NRXN3: variants seen among roughly 807,000 people sequenced by gnomAD.
NRXN3 encodes the protein neurexin III.
Under a neutral mutation model 137.6 loss-of-function variants are expected in NRXN3, and 32 were observed. The ratio of observed to expected loss-of-function variants is 0.23; its 90% CI spans 0.18 to 0.31. The LOEUF is 0.31. Among genes scored for constraint, NRXN3 ranks in the 10% least tolerant of loss-of-function variants. The pLI, the probability that NRXN3 is intolerant of heterozygous loss-of-function variation, is 1.00. For missense variants in NRXN3, 1,574 were observed against 2,062.5 expected, an observed-to-expected ratio of 0.76 and a Z score of 4.59; for synonymous variants, 798 against 784.5, an observed-to-expected ratio of 1.02 and a Z score of -0.29.
At chr14:78,694,173 T>C (rs1253315809) in intron 6 of NRXN3, among the ~76,000 whole-genome samples, 1 of 151,994 alleles carries the variant, frequency 6.6e-6, no homozygotes, top group Non-Finnish European at 1.5e-5. Context: ...GAAACCTTTA[T>C]CATGCAAATT....
chr14:78,836,821 A>G (rs1202558487), intron 10 of NRXN3, among the ~76,000 whole-genome samples: 2 of 152,172 alleles, frequency 1.3e-5, no homozygotes, highest in African/African-American at 4.8e-5. Flanking sequence ...ATACCTGAGG[A>G]GATAATAGAC....
chr14:79,602,714 A>AT (rs2097940989), intron 16 of NRXN3, among the ~76,000 whole-genome samples: 1 of 152,052 alleles, frequency 6.6e-6, no homozygotes, highest in Non-Finnish European at 1.5e-5. Context: ...GAACTAGAAG[A>AT]TATTTGAAAA....
At chr14:79,146,555 A>T (rs1217942630) in intron 15 of NRXN3, among the ~76,000 whole-genome samples, 2 of 152,062 alleles carry the variant, frequency 1.3e-5, no homozygotes, top group Non-Finnish European at 2.9e-5. Context: ...GTGGACTTGA[A>T]AAAAAGAGTG....
intron 15 of NRXN3, among the ~76,000 whole-genome samples, chr14:79,122,026 A>G (rs1007246293): frequency 6.6e-6 from 1 of 152,204 alleles, no homozygotes; most frequent in Non-Finnish European, 1.5e-5. Flanking sequence ...ATCTTCTCAG[A>G]GGATGATCAT....
intron 15 of NRXN3, among the ~76,000 whole-genome samples, chr14:79,422,494 T>G (rs2095592856): frequency 6.6e-6 from 1 of 152,130 alleles, no homozygotes; most frequent in Admixed American, 6.5e-5. Context: ...CCCTCAGCAG[T>G]TAGAAGGCCA....
intron 8 of NRXN3, chr14:78,744,846 T>C (rs1015520701): frequency 1.3e-5 from 2 of 152,226 alleles, no homozygotes; most frequent in East Asian, 3.9e-4. Flanking sequence ...CTGGGGCATG[T>C]AGGGGCAAGT....
chr14:78,644,484 G>A (rs1024839300), intron 4 of NRXN3, among the ~76,000 whole-genome samples: 4 of 152,130 alleles, frequency 2.6e-5, no homozygotes, highest in Non-Finnish European at 5.9e-5. Flanking sequence ...CAGTGGTATT[G>A]CTGTCTTATC....
At chr14:79,192,825 C>A (rs2064586931) in intron 15 of NRXN3, among the ~76,000 whole-genome samples, 1 of 132,592 alleles carries the variant, frequency 7.5e-6, no homozygotes, top group Admixed American at 9.2e-5. Context: ...AGCTGGAGTG[C>A]AGTGGCATGA....
intron 4 of NRXN3, among the ~76,000 whole-genome samples, chr14:78,562,483 C>T (rs1012643618): frequency 1.3e-5 from 2 of 148,384 alleles, no homozygotes; most frequent in Non-Finnish European, 3.0e-5. Flanking sequence ...CTTCTGTTTT[C>T]TGACTCTTAG....
At chr14:79,522,611 T>C (rs2097078221) in intron 16 of NRXN3, among the ~76,000 whole-genome samples, 1 of 152,186 alleles carries the variant, frequency 6.6e-6, no homozygotes, top group South Asian at 2.1e-4. Context: ...TGTACCTCTG[T>C]AATCTGTGAA....
At chr14:78,842,924 T>C (rs2099016609) in intron 10 of NRXN3, among the ~76,000 whole-genome samples, 1 of 152,156 alleles carries the variant, frequency 6.6e-6, no homozygotes, top group Non-Finnish European at 1.5e-5. Context: ...GCTGTTATCC[T>C]GTTCTTTTTT....
intron 10 of NRXN3, among the ~76,000 whole-genome samples, chr14:78,883,583 A>T (rs1349852093): frequency 2.0e-5 from 3 of 152,220 alleles, no homozygotes; most frequent in African/African-American, 7.2e-5. Context: ...TGAGTGAGGA[A>T]TAATTTCCTC....
chr14:78,862,613 G>T (rs1215541212), intron 10 of NRXN3, among the ~76,000 whole-genome samples: 1 of 151,940 alleles, frequency 6.6e-6, no homozygotes, highest in East Asian at 1.9e-4. Context: ...ATACAGAATG[G>T]TTACCCGTTT....
chr14:78,908,175 A>G (rs1041680263), intron 10 of NRXN3, among the ~76,000 whole-genome samples: 3 of 152,030 alleles, frequency 2.0e-5, no homozygotes, highest in African/African-American at 7.2e-5. Context: ...CTTTGTTAAC[A>G]CTTTTTGTGG....
chr14:78,246,722 C>T (rs924336347), intron 2 of NRXN3, among the ~76,000 whole-genome samples: 1 of 152,156 alleles, frequency 6.6e-6, no homozygotes, highest in Non-Finnish European at 1.5e-5. Context: ...CAGAAAAAGT[C>T]ACCTGTAAAA....
intron 16 of NRXN3, among the ~76,000 whole-genome samples, chr14:79,611,204 T>C (rs2098094690): frequency 6.6e-6 from 1 of 152,138 alleles, no homozygotes; most frequent in African/African-American, 2.4e-5. Flanking sequence ...GCTAAAGAGA[T>C]AGAAGTAAAA....
At chr14:79,797,863 T>G (rs1394546811) in intron 19 of NRXN3, among the ~76,000 whole-genome samples, 1 of 152,054 alleles carries the variant, frequency 6.6e-6, no homozygotes, top group East Asian at 1.9e-4. Flanking sequence ...GAGCCCAAGG[T>G]GGGTGACTCG....
chr14:78,224,737 C>T (rs968843516), intron 1 of NRXN3, among the ~76,000 whole-genome samples: 12 of 136,670 alleles, frequency 8.8e-5, no homozygotes, highest in South Asian at 2.5e-4. Flanking sequence ...AATAAACATA[C>T]GTGTGCATGT....
chr14:79,022,880 G>A (rs1045687092), intron 15 of NRXN3, among the ~76,000 whole-genome samples: 2 of 152,110 alleles, frequency 1.3e-5, no homozygotes, highest in Non-Finnish European at 2.9e-5. Context: ...TCAGGTAATC[G>A]GTTATTTATT....
Sources: allele counts gnomAD v4.1 joint callset (sites outside exome capture counted in the v4.1 genomes callset), GRCh38; gene constraint gnomAD v4.1.1; transcripts MANE v1.5; gene names NCBI Gene and HGNC (gene_info 2026-07-23, HGNC 2026-07-21).